The following SUFU variants were observed in gnomAD, a reference collection of about 807,000 sequenced individuals.
The protein encoded by SUFU is suppressor of fused homolog.
A neutral mutation model predicts 58.9 loss-of-function variants in SUFU; 7 were observed. That is an observed-to-expected ratio of 0.12 (90% CI 0.07 to 0.22). The LOEUF (loss-of-function observed/expected upper bound fraction) is 0.22. Among genes scored for constraint, SUFU ranks in the 10% least tolerant of loss-of-function variants. The pLI is 1.00. For missense variants in SUFU, 451 were observed against 641.3 expected (o/e 0.70, Z 3.20); for synonymous variants, 232 against 254.8 (o/e 0.91, Z 0.85).
At chr10:102,526,475 C>T (rs2062609617) in intron 2 of SUFU, among the ~76,000 whole-genome samples, 1 of 151,850 alleles carries the variant, frequency 6.6e-6, no homozygotes, top group Non-Finnish European at 1.5e-5. Context: ...ATCGCTTGAG[C>T]CCAGGAGGCA....
chr10:102,630,279 G>C lies in SUFU; in HGVS notation c.*124G>C. 1.1e-6 allele frequency: 1 copy of C among 883,774 alleles called. No individual in the cohort carries two copies. Among genetic ancestry groups the C allele is most frequent in the South Asian group, 1.4e-5 (1 of 72,042 alleles). The allele number at this position is 883,774 out of a possible 1,614,324, so 54.7% of individuals were successfully genotyped here. ...ACAAGTGTGAGGAAGACTGCGCAGT[G>C]CCACCCCGCAGCCCAGTGGGGTGCC... On this transcript the variant is annotated 3_prime_UTR_variant, in exon 12 of 12. Coordinates refer to ENST00000369902, the MANE Select transcript of SUFU (RefSeq NM_016169.4).
chr10:102,597,000 G>A, intron 6 of SUFU, 140 bp from the exon 7 acceptor site: 2 of 1,003,442 alleles, frequency 2.0e-6, no homozygotes, highest in Non-Finnish European at 3.1e-6. Flanking sequence ...CAAGGTCAGA[G>A]ATCCTGCTCT....
At chr10:102,552,846 G>A (rs2062933181) in intron 3 of SUFU, among the ~76,000 whole-genome samples, 1 of 152,238 alleles carries the variant, frequency 6.6e-6, no homozygotes, top group African/African-American at 2.4e-5. Flanking sequence ...GAGGCGAAAT[G>A]TTAACAACTT....
chr10:102,592,455 C>A, intron 3 of SUFU, 127 bp from the exon 4 acceptor site: 1 of 1,065,932 alleles, frequency 9.4e-7, no homozygotes. Context: ...GAATGCTTCT[C>A]TTCCTTCACA....
chr10:102,524,209 T>C (rs1409171202), intron 2 of SUFU, among the ~76,000 whole-genome samples: 1 of 152,156 alleles, frequency 6.6e-6, no homozygotes, highest in African/African-American at 2.4e-5. Context: ...TCTCACTATG[T>C]TACCCAGGCT....
chr10:102,543,130 T>A (rs1335283556), intron 2 of SUFU, among the ~76,000 whole-genome samples: 4 of 152,218 alleles, frequency 2.6e-5, no homozygotes, highest in African/African-American at 9.6e-5. Context: ...TATTAGGTAC[T>A]GCCTAATTCT....
At chr10:102,627,622 G>C (rs945193511) in intron 11 of SUFU, among the ~76,000 whole-genome samples, 5 of 152,228 alleles carry the variant, frequency 3.3e-5, no homozygotes, top group Admixed American at 6.5e-5. Context: ...GAACGCCCAT[G>C]TCTGTTGCCA....
chr10:102,505,358 G>A (rs2135602129), intron 1 of SUFU, among the ~76,000 whole-genome samples: 1 of 152,320 alleles, frequency 6.6e-6, no homozygotes, highest in Admixed American at 6.5e-5. Flanking sequence ...TCAAAGTCTT[G>A]CTGGACCAAA....
At chr10:102,560,615 G>A (rs1344009222) in intron 3 of SUFU, among the ~76,000 whole-genome samples, 1 of 152,068 alleles carries the variant, frequency 6.6e-6, no homozygotes, top group Non-Finnish European at 1.5e-5. Context: ...AATGGACTAT[G>A]CTTTTCATAC....
intron 3 of SUFU, among the ~76,000 whole-genome samples, chr10:102,565,338 A>G (rs929676962): frequency 1.3e-5 from 2 of 152,198 alleles, no homozygotes; most frequent in African/African-American, 4.8e-5. Context: ...AGAGGTCCCG[A>G]GAAATGAGTT....
chr10:102,560,350 A>G (rs1365634153), intron 3 of SUFU, among the ~76,000 whole-genome samples: 1 of 152,070 alleles, frequency 6.6e-6, no homozygotes, highest in Non-Finnish European at 1.5e-5. Flanking sequence ...TGGGTGGATC[A>G]CTTGAGGTCA....
chr10:102,554,998 G>T (rs2062958247), intron 3 of SUFU, among the ~76,000 whole-genome samples: 1 of 152,200 alleles, frequency 6.6e-6, no homozygotes, highest in South Asian at 2.1e-4. Flanking sequence ...GCCGGGCGCA[G>T]TGGCTCATGC....
At chr10:102,535,482 CT>C (rs1203174440) in intron 2 of SUFU, among the ~76,000 whole-genome samples, 1 of 117,994 alleles carries the variant, frequency 8.5e-6, no homozygotes, top group East Asian at 2.2e-4. Flanking sequence ...GAGACTCCGT[CT>C]CAAAAAAAAA....
At chr10:102,615,240 C>G (rs202247758) in intron 8 of SUFU, 28 bp from the exon 9 acceptor site, 1 of 1,613,896 alleles carries the variant, frequency 6.2e-7, no homozygotes, top group African/African-American at 1.3e-5. Context: ...CACCTTGTGC[C>G]GAACCTTTTC....
At chr10:102,627,611 A>AG (rs1252842888) in intron 11 of SUFU, among the ~76,000 whole-genome samples, 3 of 152,226 alleles carry the variant, frequency 2.0e-5, no homozygotes, top group Non-Finnish European at 4.4e-5. Flanking sequence ...GATTCTGAAC[A>AG]GAACGCCCAT....
At chr10:102,610,148 G>A (rs2063607077) in intron 8 of SUFU, among the ~76,000 whole-genome samples, 1 of 152,030 alleles carries the variant, frequency 6.6e-6, no homozygotes, top group Non-Finnish European at 1.5e-5. Context: ...AGGCTGAGGC[G>A]GGCAGATCAC....
chr10:102,513,338 C>G (rs1408460911), intron 2 of SUFU, among the ~76,000 whole-genome samples: 4 of 152,206 alleles, frequency 2.6e-5, no homozygotes, highest in Admixed American at 2.6e-4. Context: ...GCAAATGGAT[C>G]TCTGGCAACA....
intron 3 of SUFU, among the ~76,000 whole-genome samples, chr10:102,576,670 A>G (rs1314415436): frequency 1.3e-5 from 2 of 152,200 alleles, no homozygotes; most frequent in Non-Finnish European, 2.9e-5. Context: ...GGTCCTCCAA[A>G]GTGACCATAC....
At chr10:102,581,180 C>CAAAAAAAAA (rs71016393) in intron 3 of SUFU, among the ~76,000 whole-genome samples, 3 of 75,678 alleles carry the variant, frequency 4.0e-5, no homozygotes, top group South Asian at 4.9e-4. Flanking sequence ...ACTCTGTCTC[C>CAAAAAAAAA]AAAAAAAAAA....
Sources: allele counts gnomAD v4.1 joint callset (sites outside exome capture counted in the v4.1 genomes callset), GRCh38; gene constraint gnomAD v4.1.1; transcripts MANE v1.5; gene names NCBI Gene and HGNC (gene_info 2026-07-23, HGNC 2026-07-21).